Variants in RHOT1 observed in about 807,000 individuals in gnomAD.
The protein encoded by RHOT1 is mitochondrial Rho GTPase 1.
In RHOT1, 27 loss-of-function variants were observed where a neutral mutation model predicts 95.3. The observed-to-expected ratio is 0.28, with a 90% CI of 0.21 to 0.39. The LOEUF is 0.39. Ranked by LOEUF, RHOT1 falls within the 10% of genes least tolerant of loss-of-function variation. The pLI is 1.00. For synonymous variants in RHOT1, 227 were observed against 263.5 expected, an observed-to-expected ratio of 0.86 and a Z score of 1.34; for missense variants, 578 against 786.7, an observed-to-expected ratio of 0.73 and a Z score of 3.17.
At chr17:32,173,708 A>AT in intron 2 of RHOT1, 123 bp from the exon 3 acceptor site, 1 of 697,420 alleles carries the variant, frequency 1.4e-6, no homozygotes, top group East Asian at 2.7e-5. Context: ...GTGAGACTCC[A>AT]TTAAAAAAAA....
chr17:32,160,619 CG>C (rs939525980), intron 1 of RHOT1, among the ~76,000 whole-genome samples: 9 of 152,184 alleles, frequency 5.9e-5, no homozygotes, highest in Admixed American at 5.2e-4. Flanking sequence ...GCCAAGCTTC[CG>C]GGCACCACTG....
At chr17:32,207,064 C>A in intron 17 of RHOT1, 35 bp downstream of exon 17, 1 of 1,570,012 alleles carries the variant, frequency 6.4e-7, no homozygotes, top group Non-Finnish European at 8.6e-7. Context: ...CTGAATGTAA[C>A]TTCATATGGA....
chr17:32,145,288 A>C (rs1598262763), intron 1 of RHOT1, among the ~76,000 whole-genome samples: 2 of 152,174 alleles, frequency 1.3e-5, no homozygotes, highest in African/African-American at 4.8e-5. Context: ...GGACAGAGTG[A>C]GACTCTGTCT....
chr17:32,224,174 T>C (rs1307313792), intron 19 of RHOT1, among the ~76,000 whole-genome samples: 1 of 152,226 alleles, frequency 6.6e-6, no homozygotes, highest in Non-Finnish European at 1.5e-5. Context: ...TATTGTCACT[T>C]GTCACTTAAC....
chr17:32,189,284 G>T (rs1385457200), intron 8 of RHOT1, among the ~76,000 whole-genome samples: 1 of 152,100 alleles, frequency 6.6e-6, no homozygotes, highest in Non-Finnish European at 1.5e-5. Context: ...GGGCGACAGA[G>T]CGAGGAGACC....
rs1397700318 is a variant in RHOT1 at position 32,209,381 on chromosome 17, G to C, written c.1739+1072G>C. 3.1e-6 allele frequency: 5 copies of C among 1,611,594 alleles called. No homozygotes were observed. The South Asian group carries it at 4.4e-5, about 14-fold the overall frequency. On this transcript the variant is annotated intron_variant, in intron 18 of 19. Coordinates refer to ENST00000545287, the MANE Select transcript of RHOT1 (RefSeq NM_001033566.3). ...TCATTACAGAGACAGACTCTCCCGA[G>C]ACATGGGCCACACTGATAGAATAGA...
intron 1 of RHOT1, among the ~76,000 whole-genome samples, chr17:32,164,087 G>A (rs184977554): frequency 2.8e-3 from 420 of 152,106 alleles, no homozygotes; most frequent in African/African-American, 9.5e-3. Context: ...TCCAGGAGGC[G>A]GAGGTTGCAG....
At chr17:32,184,654 C>A (rs1202427030) in intron 8 of RHOT1, among the ~76,000 whole-genome samples, 2 of 151,856 alleles carry the variant, frequency 1.3e-5, no homozygotes, top group Non-Finnish European at 1.5e-5. Flanking sequence ...CCGTGCCCAG[C>A]TGATTTTTTT....
At chr17:32,150,904 G>A (rs779830274) in intron 1 of RHOT1, 73 of 1,548,046 alleles carry the variant, frequency 4.7e-5, no homozygotes, top group Non-Finnish European at 5.7e-5. Flanking sequence ...TGTTCTGGGG[G>A]AGGTGGGCAC....
chr17:32,174,783 C>T (rs1440720356), intron 3 of RHOT1, among the ~76,000 whole-genome samples: 4 of 152,256 alleles, frequency 2.6e-5, no homozygotes, highest in South Asian at 4.2e-4. Flanking sequence ...TCCCTGCATG[C>T]GTGGAATTGC....
intron 19 of RHOT1, among the ~76,000 whole-genome samples, chr17:32,215,837 A>C (rs924652180): frequency 6.6e-6 from 1 of 152,154 alleles, no homozygotes; most frequent in Non-Finnish European, 1.5e-5. Context: ...TCTCTTGGTA[A>C]TTATGAGCTC....
intron 8 of RHOT1, among the ~76,000 whole-genome samples, chr17:32,189,714 A>G (rs1017093169): frequency 4.0e-5 from 6 of 151,494 alleles, no homozygotes; most frequent in Non-Finnish European, 8.8e-5. Context: ...TTAGACAACA[A>G]CAATATCTTT....
intron 1 of RHOT1, among the ~76,000 whole-genome samples, chr17:32,147,985 G>A (rs934747412): frequency 1.3e-5 from 2 of 152,154 alleles, no homozygotes; most frequent in Non-Finnish European, 2.9e-5. Context: ...CTTAATAAGG[G>A]TGGGGCGCAG....
chr17:32,150,370 C>G, intron 1 of RHOT1: 1 of 345,392 alleles, frequency 2.9e-6, no homozygotes. Context: ...TTTTTTTTTT[C>G]ATGTGTAAGA....
intron 1 of RHOT1, among the ~76,000 whole-genome samples, chr17:32,169,625 AAAT>A (rs1182489297): frequency 6.6e-6 from 1 of 152,214 alleles, no homozygotes; most frequent in African/African-American, 2.4e-5. Context: ...CATCAGTTAA[AAAT>A]AAAAAAGATC....
chr17:32,183,901 A>G (rs1016981819), intron 8 of RHOT1, among the ~76,000 whole-genome samples: 8 of 152,030 alleles, frequency 5.3e-5, no homozygotes, highest in Non-Finnish European at 1.0e-4. Flanking sequence ...GCCCAGGCTG[A>G]TCTCGAACTC....
intron 13 of RHOT1, among the ~76,000 whole-genome samples, chr17:32,200,096 T>G (rs1310263472): frequency 6.6e-6 from 1 of 151,928 alleles, no homozygotes; most frequent in African/African-American, 2.4e-5. Context: ...TTGTGGACAT[T>G]TTTCTGTATC....
At chr17:32,188,933 T>G (rs2036251750) in intron 8 of RHOT1, among the ~76,000 whole-genome samples, 1 of 152,238 alleles carries the variant, frequency 6.6e-6, no homozygotes, top group Admixed American at 6.5e-5. Flanking sequence ...GGATTCTTCT[T>G]TCTAATTTAC....
At chr17:32,197,527 G>A (rs1355642187) in intron 11 of RHOT1, among the ~76,000 whole-genome samples, 6 of 151,348 alleles carry the variant, frequency 4.0e-5, no homozygotes, top group East Asian at 3.9e-4. Context: ...CAGGTTCATC[G>A]ACATTCTCCT....
Sources: gnomAD v4.1 joint callset for allele counts (sites outside exome capture counted in the v4.1 genomes callset) on GRCh38, gnomAD v4.1.1 for gene constraint, MANE v1.5 for transcripts, NCBI Gene and HGNC (gene_info 2026-07-23, HGNC 2026-07-21) for gene names.